PDGFRL: variants seen among roughly 807,000 people sequenced by gnomAD.
PDGFRL encodes platelet-derived growth factor receptor-like protein.
A neutral mutation model predicts 37.2 loss-of-function variants in PDGFRL; 46 were observed. The observed-to-expected ratio is 1.24, with a 90% CI of 0.98 to 1.58. PDGFRL has a LOEUF of 1.58. Among genes scored for constraint, PDGFRL ranks in the 40% most tolerant of loss-of-function variants. PDGFRL has a pLI of 0.00. For synonymous variants in PDGFRL, 251 were observed against 184.3 expected (o/e 1.36, Z -2.93); for missense variants, 692 against 467.6 (o/e 1.48, Z -4.43).
At chr8:17,621,743 C>T (rs948000243) in intron 3 of PDGFRL, among the ~76,000 whole-genome samples, 2 of 152,182 alleles carry the variant, frequency 1.3e-5, no homozygotes, top group Admixed American at 6.5e-5. Flanking sequence ...TGTTGACTTT[C>T]ATCACTGTCT....
At chr8:17,607,298 AT>A (rs1804303071) in intron 2 of PDGFRL, among the ~76,000 whole-genome samples, 1 of 146,466 alleles carries the variant, frequency 6.8e-6, no homozygotes, top group Admixed American at 6.7e-5. Context: ...CGATCTAGTC[AT>A]TAGAGTAGGG....
chr8:17,642,433 G>T (rs1440809724), intron 5 of PDGFRL, among the ~76,000 whole-genome samples, 180 bp from the exon 6 acceptor site: 1 of 152,242 alleles, frequency 6.6e-6, no homozygotes, highest in East Asian at 1.9e-4. Flanking sequence ...TGGAAAAAAT[G>T]CAACCTAAAA....
chr8:17,610,214 G>A (rs1044818696), intron 2 of PDGFRL, among the ~76,000 whole-genome samples: 14 of 152,274 alleles, frequency 9.2e-5, no homozygotes, highest in Admixed American at 1.3e-4. Flanking sequence ...GGCTGTGAGC[G>A]TTCAGCTGAG....
chr8:17,632,225 C>T (rs923946530), intron 4 of PDGFRL, among the ~76,000 whole-genome samples: 1 of 152,118 alleles, frequency 6.6e-6, no homozygotes, highest in Non-Finnish European at 1.5e-5. Context: ...TCTCTCCATC[C>T]TCACTGCAAA....
intron 5 of PDGFRL, among the ~76,000 whole-genome samples, chr8:17,636,192 C>G (rs1227568861): frequency 1.3e-5 from 2 of 152,190 alleles, no homozygotes; most frequent in Non-Finnish European, 2.9e-5. Flanking sequence ...TTTGCCTAAG[C>G]CAATGTCTAG....
chr8:17,609,634 TAAA>T (rs3040922), intron 2 of PDGFRL, among the ~76,000 whole-genome samples: 657 of 43,376 alleles, frequency 0.015, 2 homozygotes, highest in African/African-American at 0.051. Context: ...TGAGACTCTG[TAAA>T]AAAAAAAAAA....
At chr8:17,587,496 T>A (rs1803841553) in intron 1 of PDGFRL, among the ~76,000 whole-genome samples, 1 of 152,142 alleles carries the variant, frequency 6.6e-6, no homozygotes, top group Non-Finnish European at 1.5e-5. Flanking sequence ...TTAAAGTATT[T>A]ATGGGGCACA....
At chr8:17,635,171 A>ACC (rs1362919650) in intron 5 of PDGFRL, among the ~76,000 whole-genome samples, 1 of 152,112 alleles carries the variant, frequency 6.6e-6, no homozygotes, top group East Asian at 1.9e-4. Flanking sequence ...GTTTTTAAGA[A>ACC]CAGTAGGTGT....
rs1055356911 is a variant in PDGFRL, at chr8:17,584,744, A to G, written c.56-4724A>G. On this transcript the variant is annotated intron_variant, in intron 1 of 5. Coordinates refer to ENST00000251630, the MANE Select transcript of PDGFRL (RefSeq NM_001372073.1). Reference sequence around the variant, plus strand: ...TTTTTTTTTTTTTTAAAGATACTTTAAACAGTGGTAGTGTTACCGGAAAGG... The same window carrying G: ...TTTTTTTTTTTTTTAAAGATACTTTGAACAGTGGTAGTGTTACCGGAAAGG... Among the ~76,000 whole-genome samples the G allele has an allele frequency of 2.6e-5, 4 of 151,006 alleles. No homozygotes were observed. The East Asian group carries it at 7.8e-4, about 29-fold the overall frequency.
chr8:17,642,979 C>T lies in PDGFRL; in HGVS notation c.*178C>T. 1.9e-6 allele frequency: 1 copy of T among 538,246 alleles called. No individual in the cohort carries two copies. The highest frequency in any genetic ancestry group is 3.2e-6 in the Non-Finnish European group (1 of 308,278). 33.3% of individuals were successfully genotyped at this position (538,246 alleles called of 1,614,324 possible). ...AAAAGGAAGTCATCCAGTCTATTCA[C>T]AGAAGTGTTAACTTTTCTAACAGAA... On this transcript the variant is annotated 3_prime_UTR_variant, in exon 6 of 6. Coordinates refer to ENST00000251630, the MANE Select transcript of PDGFRL (RefSeq NM_001372073.1).
intron 3 of PDGFRL, among the ~76,000 whole-genome samples, chr8:17,625,463 T>TA (rs35217684): frequency 1.0e-3 from 155 of 151,764 alleles, no homozygotes; most frequent in African/African-American, 3.6e-3. Flanking sequence ...TTTTTTTTTT[T>TA]AATCTAAAAT....
intron 1 of PDGFRL, among the ~76,000 whole-genome samples, chr8:17,588,800 A>T (rs909791151): frequency 1.3e-5 from 2 of 152,210 alleles, no homozygotes; most frequent in African/African-American, 4.8e-5. Context: ...ATAGACTGCA[A>T]AGTAAACAAA....
intron 2 of PDGFRL, among the ~76,000 whole-genome samples, chr8:17,611,485 G>A (rs1804410799): frequency 1.3e-5 from 2 of 152,112 alleles, no homozygotes; most frequent in Admixed American, 6.5e-5. Flanking sequence ...GGACATGGTC[G>A]GCCTCCTTGG....
chr8:17,611,144 T>G (rs938948997), intron 2 of PDGFRL, among the ~76,000 whole-genome samples: 1 of 152,216 alleles, frequency 6.6e-6, no homozygotes, highest in African/African-American at 2.4e-5. Flanking sequence ...CAGCTCTGCC[T>G]CTAGCTGGCC....
intron 2 of PDGFRL, among the ~76,000 whole-genome samples, chr8:17,590,570 TGTG>T (rs552151885): frequency 1.5e-3 from 223 of 151,504 alleles, no homozygotes; most frequent in African/African-American, 5.3e-3. Flanking sequence ...ATTAGCCAGA[TGTG>T]GTAGCATGCA....
intron 2 of PDGFRL, among the ~76,000 whole-genome samples, chr8:17,594,554 A>G (rs1420798697): frequency 8.0e-6 from 1 of 124,676 alleles, no homozygotes; most frequent in African/African-American, 3.2e-5. Context: ...TACTACATTT[A>G]TTTTGTTTGT....
At chr8:17,636,206 G>T (rs1804966943) in intron 5 of PDGFRL, among the ~76,000 whole-genome samples, 2 of 152,182 alleles carry the variant, frequency 1.3e-5, no homozygotes. Flanking sequence ...TGTCTAGAAA[G>T]GTTTTTCCAC....
At chr8:17,577,044 C>T (rs540345775), upstream of PDGFRL, 22 of 663,932 alleles carry the variant, frequency 3.3e-5, no homozygotes, top group African/African-American at 4.0e-4. Context: ...CACCGCGGCT[C>T]CGCCAGGGGG....
chr8:17,600,327 C>G (rs1379486447), intron 2 of PDGFRL, among the ~76,000 whole-genome samples: 1 of 152,166 alleles, frequency 6.6e-6, no homozygotes, highest in African/African-American at 2.4e-5. Context: ...CTCTGTCTCA[C>G]AGCCCTTCTG....
Sources: allele counts gnomAD v4.1 joint callset (sites outside exome capture counted in the v4.1 genomes callset), GRCh38; gene constraint gnomAD v4.1.1; transcripts MANE v1.5; gene names NCBI Gene and HGNC (gene_info 2026-07-23, HGNC 2026-07-21).